The following HDAC9 variants were observed in gnomAD, a reference collection of about 807,000 sequenced individuals.
HDAC9 encodes the protein histone deacetylase 9.
Under a neutral mutation model 139.4 loss-of-function variants are expected in HDAC9, and 41 were observed. The observed-to-expected ratio is 0.29, with a 90% CI of 0.23 to 0.38. The LOEUF (loss-of-function observed/expected upper bound fraction) is 0.38. HDAC9 is among the 10% of genes least tolerant of loss of function. The probability of loss-of-function intolerance (pLI) is 1.00; values close to 1 mark genes in which losing one functional copy is unlikely to be tolerated. For missense variants in HDAC9, 1,147 were observed against 1,297.0 expected, an observed-to-expected ratio of 0.88 and a Z score of 1.78; for synonymous variants, 517 against 476.2, an observed-to-expected ratio of 1.09 and a Z score of -1.12.
At chr7:18,783,274 C>CT (rs1203782334) in intron 16 of HDAC9, among the ~76,000 whole-genome samples, 1 of 152,068 alleles carries the variant, frequency 6.6e-6, no homozygotes, top group African/African-American at 2.4e-5. Context: ...AAATAGAACT[C>CT]TTTCTTTAAA....
chr7:18,299,670 C>G (rs1798404578), intron 1 of HDAC9, among the ~76,000 whole-genome samples: 1 of 152,092 alleles, frequency 6.6e-6, no homozygotes, highest in African/African-American at 2.4e-5. Flanking sequence ...GGCTTGATGC[C>G]ATTTGTAAAA....
chr7:18,648,625 A>T lies in HDAC9; in HGVS notation c.1409A>T (p.Gln470Leu), dbSNP rs1468221344. 6.2e-7 allele frequency: 1 copy of T among 1,613,406 alleles called. No individual in the cohort carries two copies. Among genetic ancestry groups the T allele is most frequent in the Non-Finnish European group, 8.5e-7 (1 of 1,179,714 alleles). The change falls in exon 11 of 26, where the codon CAA (glutamine) becomes CTA (leucine). Residue 470 changes from glutamine (Q) to leucine (L), a missense_variant. Around this residue, in one of 7 missense-constraint regions of HDAC9, gnomAD observed 256 missense variants for 219.2 expected, o/e 1.17. Transcript: ENST00000686413. ...STLAQLVIQQQHQQFLEKQKQ... is the reference protein window; with the variant it reads ...STLAQLVIQQLHQQFLEKQKQ... ...TTGGCTCAGCTGGTCATTCAACAGC[A>T]ACACCAGCAATTCTTGGAGAAGCAG...
intron 6 of HDAC9, among the ~76,000 whole-genome samples, chr7:18,616,732 A>T (rs1285264579): frequency 6.6e-6 from 1 of 152,196 alleles, no homozygotes; most frequent in Non-Finnish European, 1.5e-5. Flanking sequence ...ACAGGACAAG[A>T]GCAGGAAGCA....
chr7:18,748,060 T>A (rs539284243), intron 13 of HDAC9, among the ~76,000 whole-genome samples: 1 of 152,364 alleles, frequency 6.6e-6, no homozygotes, highest in East Asian at 1.9e-4. Flanking sequence ...ATTTGATTTG[T>A]TAAATAATTT....
At chr7:18,608,140 T>TG (rs1383457499) in intron 6 of HDAC9, among the ~76,000 whole-genome samples, 2 of 152,208 alleles carry the variant, frequency 1.3e-5, no homozygotes, top group Non-Finnish European at 2.9e-5. Context: ...TGCATTTATA[T>TG]GTCTTTAGAC....
chr7:18,747,999 G>C (rs1035622900), intron 13 of HDAC9, among the ~76,000 whole-genome samples: 4 of 152,038 alleles, frequency 2.6e-5, no homozygotes, highest in African/African-American at 4.8e-5. Context: ...TTCTTATAAT[G>C]GGTGTTCTCC....
chr7:18,184,881 T>G (rs1414122183), intron 2 of HDAC9, among the ~76,000 whole-genome samples: 1 of 152,202 alleles, frequency 6.6e-6, no homozygotes, highest in African/African-American at 2.4e-5. Context: ...AATTTATGAT[T>G]TACACCTAAT....
intron 2 of HDAC9, among the ~76,000 whole-genome samples, chr7:18,181,353 A>G (rs1789413163): frequency 6.6e-6 from 1 of 152,194 alleles, no homozygotes; most frequent in Non-Finnish European, 1.5e-5. Flanking sequence ...TAAATTCATT[A>G]TATTGTTGGT....
chr7:18,338,063 T>G (rs920457421), intron 1 of HDAC9, among the ~76,000 whole-genome samples: 3 of 151,748 alleles, frequency 2.0e-5, no homozygotes, highest in Non-Finnish European at 2.9e-5. Flanking sequence ...GTTTTGATAT[T>G]TAAATCTACA....
At chr7:18,272,381 T>G (rs1449435822) in intron 2 of HDAC9, among the ~76,000 whole-genome samples, 1 of 152,146 alleles carries the variant, frequency 6.6e-6, no homozygotes, top group African/African-American at 2.4e-5. Context: ...AGCAAAACCT[T>G]TCTAAGAAGG....
At chr7:18,536,737 G>GTACTT (rs1811039512) in intron 2 of HDAC9, among the ~76,000 whole-genome samples, 1 of 152,054 alleles carries the variant, frequency 6.6e-6, no homozygotes, top group African/African-American at 2.4e-5. Flanking sequence ...GAATGTTAAG[G>GTACTT]TACTTTAAGG....
intron 17 of HDAC9, among the ~76,000 whole-genome samples, chr7:18,824,093 G>GAAGAAGAAGAAC (rs869114650): frequency 9.2e-4 from 139 of 150,692 alleles, no homozygotes; most frequent in African/African-American, 2.6e-3. Context: ...AGAAGAACAA[G>GAAGAAGAAGAAC]AACAAGAAGG....
chr7:18,306,347 G>C (rs1177510820), intron 1 of HDAC9, among the ~76,000 whole-genome samples: 2 of 152,152 alleles, frequency 1.3e-5, no homozygotes, highest in Non-Finnish European at 2.9e-5. Flanking sequence ...TCAATGTCTG[G>C]CCAGTGTGTA....
chr7:18,503,390 A>G (rs533857217), intron 2 of HDAC9, among the ~76,000 whole-genome samples: 7 of 152,240 alleles, frequency 4.6e-5, no homozygotes, highest in Non-Finnish European at 8.8e-5. Context: ...AAACAAATTT[A>G]ATTTAAACAA....
At chr7:18,983,519 G>C (rs1312753177) in intron 25 of HDAC9, among the ~76,000 whole-genome samples, 1 of 152,028 alleles carries the variant, frequency 6.6e-6, no homozygotes, top group Non-Finnish European at 1.5e-5. Context: ...AATTTCTTGA[G>C]GAATCTAAAT....
intron 12 of HDAC9, among the ~76,000 whole-genome samples, chr7:18,720,627 T>TA (rs538887681): frequency 0.055 from 7,859 of 143,676 alleles, 696 homozygotes; most frequent in African/African-American, 0.19. Context: ...TTTACCTTAG[T>TA]AAAAAAAAAA....
At chr7:18,292,391 G>A (rs1033977844) in intron 1 of HDAC9, among the ~76,000 whole-genome samples, 1 of 152,102 alleles carries the variant, frequency 6.6e-6, no homozygotes, top group Non-Finnish European at 1.5e-5. Flanking sequence ...TGCATCCGTG[G>A]TTTTGCTCTT....
intron 1 of HDAC9, among the ~76,000 whole-genome samples, chr7:18,319,478 C>T (rs753468102): frequency 3.9e-5 from 6 of 152,116 alleles, no homozygotes; most frequent in African/African-American, 1.2e-4. Flanking sequence ...TATTTGTTGA[C>T]GCCTATAAAT....
intron 2 of HDAC9, among the ~76,000 whole-genome samples, chr7:18,271,262 A>G (rs1796331617): frequency 6.6e-6 from 1 of 152,216 alleles, no homozygotes; most frequent in African/African-American, 2.4e-5. Context: ...TAATGTGGCT[A>G]TATACCTGTA....
Sources: gnomAD v4.1 joint callset for allele counts (sites outside exome capture counted in the v4.1 genomes callset) on GRCh38, gnomAD v4.1.1 for gene constraint, gnomAD v4.1.1 regional missense constraint, MANE v1.5 for transcripts, NCBI Gene and HGNC (gene_info 2026-07-23, HGNC 2026-07-21) for gene names.